Variants in EML5 observed in about 807,000 individuals in gnomAD.
EML5 encodes EMAP like 5.
EML5 carries 120 observed loss-of-function variants against 250.0 expected under a neutral mutation model. That is an observed-to-expected ratio of 0.48 (90% CI 0.41 to 0.56). The LOEUF (loss-of-function observed/expected upper bound fraction) is 0.56, where lower values mean the gene tolerates loss of function less well. EML5 is among the 20% of genes least tolerant of loss of function. The pLI is 0.00. For missense variants in EML5, 2,006 were observed against 2,437.6 expected (o/e 0.82, Z 3.73); for synonymous variants, 771 against 806.5 (o/e 0.96, Z 0.75).
In EML5 at chr14:88,625,086, A is replaced by G. The variant is rs779906020; in HGVS notation, c.4782T>C (p.Cys1594=). ...TFTGTISGDV[C]VWKDHILCRI... is the part of the protein sequence containing the mutation. ...TACACAATATGTGATCTTTCCACACACAGACATCACCACTGATGGTACCTG... is the reference window on the plus strand; with the variant it reads ...TACACAATATGTGATCTTTCCACACGCAGACATCACCACTGATGGTACCTG... The change falls in exon 36 of 44, where the codon TGT becomes TGC. Residue 1594 remains cysteine, a synonymous_variant. Coordinates refer to ENST00000554922, the MANE Select transcript of EML5 (RefSeq NM_183387.3). 5.0e-6 allele frequency: 8 copies of G among 1,614,000 alleles called. No individual in the cohort carries two copies. The South Asian group carries it at 8.8e-5, about 18-fold the overall frequency.
intron 28 of EML5, among the ~76,000 whole-genome samples, chr14:88,648,313 C>A (rs2091451812): frequency 6.6e-6 from 1 of 151,942 alleles, no homozygotes; most frequent in Non-Finnish European, 1.5e-5. Context: ...AATGATATCT[C>A]CATTTAGTTT....
chr14:88,754,026 GT>G lies in EML5; in HGVS notation c.357+485del, dbSNP rs1244706153. Among the ~76,000 whole-genome samples, 6 of 152,008 alleles carry G rather than the reference GT, an allele frequency of 3.9e-5. No homozygotes were observed. In the South Asian group the frequency reaches 6.2e-4, roughly 16 times the overall value. ...ATGGTATGTGCCTGTAGTCCTAGTT[GT>G]TCAGGAAGGTGAGGCAGGAACATTG... On this transcript the variant is annotated intron_variant, in intron 2 of 43. Transcript: ENST00000554922.
rs570186455 is a variant in EML5 at position 88,690,953 on chromosome 14, CACTCTG to C, written c.2540-2486_2540-2481del. ...TACAATGTCCACTAGAGCAGGTTAGCACTCTGAGCTGCAGAGACCAAGTCTGTTTAC... is the reference window on the plus strand; with the variant it reads ...TACAATGTCCACTAGAGCAGGTTAGCAGCTGCAGAGACCAAGTCTGTTTAC... On this transcript the variant is annotated intron_variant, in intron 17 of 43. Transcript: ENST00000554922. Among the ~76,000 whole-genome samples the C allele has an allele frequency of 6.0e-4, 92 of 152,336 alleles. 1 individual carries two copies. In the East Asian group the frequency reaches 0.016, roughly 26 times the overall value.
intron 17 of EML5, among the ~76,000 whole-genome samples, chr14:88,693,669 C>T (rs1424730160): frequency 8.7e-5 from 13 of 148,666 alleles, no homozygotes; most frequent in Non-Finnish European, 1.8e-4. Flanking sequence ...AAAAAATAAA[C>T]TAATTTTAGA....
In EML5 at chr14:88,694,393, T is replaced by C; in HGVS notation, c.2453A>G (p.Lys818Arg). The change falls in exon 17 of 44, where the codon AAG (lysine) becomes AGG (arginine). Residue 818 changes from lysine (K) to arginine (R), a missense_variant. By Grantham distance (26) the Lys-to-Arg change is conservative. Around this residue, in one of 7 missense-constraint regions of EML5, gnomAD observed 1,375 missense variants for 1,590.3 expected, o/e 0.86. Transcript: ENST00000554922. Reference sequence around the variant, plus strand: ...GGGGTTCATCTTTACAACAAAAATCTTATCTTTACTTCCTCTGAAATAAAC... The same window carrying C: ...GGGGTTCATCTTTACAACAAAAATCCTATCTTTACTTCCTCTGAAATAAAC... ...KLSIARGSKD[K>R]IFVVKMNPYV... The C allele has an allele frequency of 6.3e-7, 1 of 1,574,972 alleles. No homozygotes were observed. Among genetic ancestry groups the C allele is most frequent in the Non-Finnish European group, 8.6e-7 (1 of 1,157,468 alleles).
intron 7 of EML5, among the ~76,000 whole-genome samples, 177 bp from the exon 8 acceptor site, chr14:88,726,855 G>T (rs2093673401): frequency 1.3e-5 from 2 of 152,162 alleles, no homozygotes; most frequent in Non-Finnish European, 2.9e-5. Context: ...AATGACAGAA[G>T]TTGATAGAAT....
chr14:88,722,767 TA>T (rs918835758), intron 8 of EML5, among the ~76,000 whole-genome samples: 6 of 151,720 alleles, frequency 4.0e-5, no homozygotes, highest in East Asian at 1.9e-4. Context: ...TGATTTTTCA[TA>T]AAAAAAAATT....
At chr14:88,646,467 A>G (rs961041154) in intron 29 of EML5, among the ~76,000 whole-genome samples, 2 of 152,156 alleles carry the variant, frequency 1.3e-5, no homozygotes, top group African/African-American at 4.8e-5. Flanking sequence ...TGACAGGACC[A>G]TTTCAAAGAA....
chr14:88,678,419 C>T lies in EML5; in HGVS notation c.3124+3471G>A, dbSNP rs187657003. ...CTATGTGACAAACCTGCACATCCTGCACATGTATCCCGGAACTTAAAATAA... is the reference window on the plus strand; with the variant it reads ...CTATGTGACAAACCTGCACATCCTGTACATGTATCCCGGAACTTAAAATAA... On this transcript the variant is annotated intron_variant, in intron 21 of 43. Transcript: ENST00000554922. Among the ~76,000 whole-genome samples the T allele has an allele frequency of 1.4e-4, 21 of 152,194 alleles. No homozygotes were observed. The East Asian group carries it at 3.7e-3, about 27-fold the overall frequency.
intron 1 of EML5, among the ~76,000 whole-genome samples, chr14:88,764,917 T>A (rs1295730398): frequency 6.6e-6 from 1 of 152,222 alleles, no homozygotes; most frequent in Non-Finnish European, 1.5e-5. Context: ...GTTTGTTTTA[T>A]AATATATAGC....
At chr14:88,642,744 A>T in intron 31 of EML5, 149 bp downstream of exon 31, 1 of 808,258 alleles carries the variant, frequency 1.2e-6, no homozygotes, top group Middle Eastern at 3.7e-4. Context: ...TATTACTAGA[A>T]AGTTCTGAAA....
chr14:88,689,766 A>T (rs943900900), intron 17 of EML5, among the ~76,000 whole-genome samples: 1 of 152,150 alleles, frequency 6.6e-6, no homozygotes, highest in African/African-American at 2.4e-5. Context: ...AAGAAAGAAA[A>T]AAGAAATATA....
intron 1 of EML5, among the ~76,000 whole-genome samples, chr14:88,782,091 A>G (rs1244863349): frequency 2.0e-5 from 3 of 152,196 alleles, no homozygotes; most frequent in Non-Finnish European, 2.9e-5. Context: ...AAGTTCCTAG[A>G]GACTTGTTGA....
chr14:88,790,085 T>G (rs547517144), intron 1 of EML5, among the ~76,000 whole-genome samples: 1 of 152,312 alleles, frequency 6.6e-6, no homozygotes, highest in African/African-American at 2.4e-5. Context: ...GAAAAAATAT[T>G]GAGGTTTTAA....
At position 88,681,959 on chromosome 14, in the gene EML5, C is replaced by A; in HGVS notation, c.3055G>T (p.Asp1019Tyr). Reference sequence around the variant, plus strand: ...AGATCCCATATTCTTAAGGTTTTATCATCGCTTACAGTAGCACAGATGGGC... The same window carrying A: ...AGATCCCATATTCTTAAGGTTTTATAATCGCTTACAGTAGCACAGATGGGC... ...YLPICATVSD[D>Y]KTLRIWDLSP... Residue 1019 changes from aspartate to tyrosine, a missense_variant, in exon 21 of 44, where the codon GAT becomes TAT. Asp to Tyr is a radical substitution (Grantham distance 160, BLOSUM62 -3). Transcript: ENST00000554922. The A allele has an allele frequency of 6.2e-7, 1 of 1,613,638 alleles. No homozygotes were observed. The highest frequency in any genetic ancestry group is 8.5e-7 in the Non-Finnish European group (1 of 1,179,770).
intron 21 of EML5, among the ~76,000 whole-genome samples, chr14:88,671,239 A>G (rs936035108): frequency 1.1e-4 from 17 of 152,370 alleles, no homozygotes; most frequent in Admixed American, 9.8e-4. Context: ...GTCAGGAGAC[A>G]CTAGGGGCCA....
At chr14:88,700,548 C>T (rs1371907303) in intron 14 of EML5, among the ~76,000 whole-genome samples, 1 of 152,078 alleles carries the variant, frequency 6.6e-6, no homozygotes, top group South Asian at 2.1e-4. Context: ...TTTATCTAGT[C>T]TCAGGGATTC....
chr14:88,716,348 T>C (rs1173112307), intron 8 of EML5, among the ~76,000 whole-genome samples: 2 of 152,232 alleles, frequency 1.3e-5, no homozygotes, highest in African/African-American at 4.8e-5. Context: ...CCTCTGCAAC[T>C]TGCAAGGTCC....
intron 19 of EML5, 53 bp from the exon 20 acceptor site, chr14:88,685,195 C>T: frequency 6.8e-7 from 1 of 1,471,256 alleles, no homozygotes; most frequent in Non-Finnish European, 9.2e-7. Context: ...TATAATACAA[C>T]AGTGTATATA....
Sources: gnomAD v4.1 joint callset for allele counts (sites outside exome capture counted in the v4.1 genomes callset) on GRCh38, gnomAD v4.1.1 for gene constraint, gnomAD v4.1.1 regional missense constraint, MANE v1.5 for transcripts, NCBI Gene and HGNC (gene_info 2026-07-23, HGNC 2026-07-21) for gene names.